KLHL2: variants seen among roughly 807,000 people sequenced by gnomAD.
KLHL2 encodes kelch-like protein 2.
KLHL2 carries 15 observed loss-of-function variants against 75.8 expected under a neutral mutation model. That is an observed-to-expected ratio of 0.20 (90% CI 0.13 to 0.30). The LOEUF (loss-of-function observed/expected upper bound fraction) is 0.30. KLHL2 is among the 10% of genes least tolerant of loss of function. The pLI is 1.00. For synonymous variants in KLHL2, 214 were observed against 251.9 expected (o/e 0.85, Z 1.42); for missense variants, 381 against 741.0 (o/e 0.51, Z 5.64).
At chr4:165,318,218 A>T (rs1192070408) in intron 14 of KLHL2, among the ~76,000 whole-genome samples, 2 of 133,270 alleles carry the variant, frequency 1.5e-5, no homozygotes, top group Admixed American at 7.2e-5. Context: ...ATAAAATTTA[A>T]TGTAGCTAAA....
Position 165,297,523 on chromosome 4 carries a change from T to C in KLHL2, c.655-86T>C, listed in dbSNP as rs1745008101. On this transcript the variant is annotated intron_variant, in intron 6 of 14. Transcript: ENST00000226725. ...AACTTGGATGTCTTAGCAAGAGTTA[T>C]ATATAAAATGTAGTCTCATATTTTA... is the stretch of plus-strand genomic sequence containing the variant. The C allele has an allele frequency of 3.8e-6, 3 of 789,770 alleles. No homozygotes were observed. The East Asian group carries it at 7.4e-5, about 19-fold the overall frequency. 48.9% of individuals were successfully genotyped at this position (789,770 alleles called of 1,614,324 possible). A position where few individuals can be genotyped will look rare whatever the true frequency, so the allele number is the denominator to read the frequency against.
chr4:165,292,273 A>C (rs867576789), intron 5 of KLHL2, among the ~76,000 whole-genome samples: 1 of 152,174 alleles, frequency 6.6e-6, no homozygotes, highest in East Asian at 1.9e-4. Context: ...AGTTTCAAAA[A>C]ATTTTGTAAA....
intron 4 of KLHL2, among the ~76,000 whole-genome samples, chr4:165,260,388 C>T (rs1403194420): frequency 1.3e-5 from 2 of 152,144 alleles, no homozygotes; most frequent in East Asian, 1.9e-4. Flanking sequence ...GCCACATGGA[C>T]CACTGTTGAA....
intron 8 of KLHL2, 66 bp downstream of exon 8, chr4:165,299,722 T>C (rs2126518464): frequency 7.2e-7 from 1 of 1,383,400 alleles, no homozygotes; most frequent in Admixed American, 2.6e-5. Context: ...GCTGTTAGTA[T>C]TTTGCTCATT....
At chr4:165,288,473 T>C (rs1744250281) in intron 5 of KLHL2, among the ~76,000 whole-genome samples, 1 of 152,198 alleles carries the variant, frequency 6.6e-6, no homozygotes, top group South Asian at 2.1e-4. Context: ...ACATGGTTCA[T>C]AGAACAAACA....
intron 3 of KLHL2, among the ~76,000 whole-genome samples, chr4:165,235,437 A>G (rs939651502): frequency 1.3e-5 from 2 of 152,224 alleles, no homozygotes; most frequent in African/African-American, 2.4e-5. Flanking sequence ...CTGACCTCAC[A>G]TGATCCGCCT....
intron 5 of KLHL2, among the ~76,000 whole-genome samples, chr4:165,263,805 GTTTTT>G (rs55901119): frequency 3.0e-5 from 2 of 66,478 alleles, no homozygotes; most frequent in African/African-American, 5.8e-5. Context: ...TTTTTACATT[GTTTTT>G]TTTTTTTTTT....
intron 4 of KLHL2, among the ~76,000 whole-genome samples, chr4:165,256,047 G>A (rs1353167460): frequency 6.6e-6 from 1 of 151,926 alleles, no homozygotes. Flanking sequence ...TTGTCTAAGC[G>A]AAACATCTTC....
At chr4:165,265,940 G>T (rs1424072603) in intron 5 of KLHL2, among the ~76,000 whole-genome samples, 7 of 152,160 alleles carry the variant, frequency 4.6e-5, no homozygotes, top group African/African-American at 1.4e-4. Context: ...CCCACCAACA[G>T]TGTAAAAGCA....
chr4:165,231,036 A>C (rs1418685778), intron 3 of KLHL2, among the ~76,000 whole-genome samples: 2 of 152,226 alleles, frequency 1.3e-5, no homozygotes, highest in African/African-American at 4.8e-5. Context: ...TTAGATTGCT[A>C]TGCGCTAAAG....
rs1258177420 is a variant in KLHL2 at position 165,281,307 on chromosome 4, C to T, written c.545-13052C>T. Among the ~76,000 whole-genome samples the T allele has an allele frequency of 2.9e-5, 4 of 138,438 alleles. No homozygotes were observed. The South Asian group carries it at 8.8e-4, about 30-fold the overall frequency. 90.8% of individuals were successfully genotyped at this position (138,438 alleles called of 152,430 possible). On this transcript the variant is annotated intron_variant, in intron 5 of 14. Transcript: ENST00000226725. ...TCCTAACCTGATGCTCTCTCTCTCT[C>T]TCTTTTTTTTTTTTTCATTTTTTAT...
chr4:165,264,307 G>T, intron 5 of KLHL2, among the ~76,000 whole-genome samples: 1 of 150,832 alleles, frequency 6.6e-6, no homozygotes, highest in Non-Finnish European at 1.5e-5. Context: ...GGATTTTAAT[G>T]TACCCGTCAC....
intron 1 of KLHL2, 156 bp from the exon 2 acceptor site, chr4:165,219,778 T>C (rs1737838527): frequency 9.7e-6 from 13 of 1,334,600 alleles, no homozygotes; most frequent in Non-Finnish European, 1.3e-5. Flanking sequence ...TGTTCTTAAT[T>C]GTCTTAACCT....
intron 9 of KLHL2, among the ~76,000 whole-genome samples, chr4:165,308,758 A>C (rs1045990754): frequency 4.6e-5 from 7 of 152,258 alleles, no homozygotes; most frequent in African/African-American, 1.7e-4. Flanking sequence ...CATTCCCTGG[A>C]GTTAGTTATG....
intron 13 of KLHL2, among the ~76,000 whole-genome samples, chr4:165,315,144 A>C (rs1262468995): frequency 6.6e-6 from 1 of 152,194 alleles, no homozygotes; most frequent in East Asian, 1.9e-4. Flanking sequence ...TGACTCCAGT[A>C]TACATTAAGT....
intron 3 of KLHL2, among the ~76,000 whole-genome samples, chr4:165,235,958 A>T (rs985225224): frequency 6.6e-6 from 1 of 152,072 alleles, no homozygotes; most frequent in African/African-American, 2.4e-5. Flanking sequence ...GGGGCTGGAC[A>T]TGTGTGCTTG....
chr4:165,288,286 T>C (rs1305255542), intron 5 of KLHL2, among the ~76,000 whole-genome samples: 2 of 152,320 alleles, frequency 1.3e-5, no homozygotes, highest in South Asian at 2.1e-4. Flanking sequence ...CTTGGCACTC[T>C]TGTCAAAGAT....
chr4:165,241,497 G>A (rs935639508), intron 4 of KLHL2, among the ~76,000 whole-genome samples: 49 of 152,096 alleles, frequency 3.2e-4, no homozygotes, highest in African/African-American at 1.1e-3. Flanking sequence ...TGCTGACAGT[G>A]GGAACAGAAG....
intron 5 of KLHL2, among the ~76,000 whole-genome samples, chr4:165,274,838 A>G (rs549295807): frequency 5.3e-5 from 8 of 152,312 alleles, no homozygotes; most frequent in Admixed American, 2.6e-4. Context: ...ATCTTTAGGG[A>G]AAGTAAAAAT....
Sources: gnomAD v4.1 joint callset for allele counts (sites outside exome capture counted in the v4.1 genomes callset) on GRCh38, gnomAD v4.1.1 for gene constraint, MANE v1.5 for transcripts, NCBI Gene and HGNC (gene_info 2026-07-23, HGNC 2026-07-21) for gene names.